The following SMYD4 variants were observed in gnomAD, a reference collection of about 807,000 sequenced individuals.
The protein encoded by SMYD4 is SET and MYND domain containing 4, also known as protein-lysine N-methyltransferase SMYD4.
Under a neutral mutation model 72.8 loss-of-function variants are expected in SMYD4, and 68 were observed. The observed-to-expected ratio is 0.93, with a 90% CI of 0.77 to 1.14. The LOEUF (loss-of-function observed/expected upper bound fraction) is 1.14. Among genes scored for constraint, SMYD4 ranks in the 50% most tolerant of loss-of-function variants. The probability of loss-of-function intolerance (pLI) is 0.00; values close to 1 mark genes in which losing one functional copy is unlikely to be tolerated. For synonymous variants in SMYD4, 407 were observed against 388.6 expected, an observed-to-expected ratio of 1.05 and a Z score of -0.56; for missense variants, 984 against 1,003.7, an observed-to-expected ratio of 0.98 and a Z score of 0.27.
chr17:1,810,421 C>T (rs1001857925), intron 3 of SMYD4, among the ~76,000 whole-genome samples: 9 of 152,120 alleles, frequency 5.9e-5, no homozygotes, highest in Non-Finnish European at 1.0e-4. Context: ...CCTGTAATCC[C>T]AGCTACTCAG....
At chr17:1,783,785 G>A (rs573713427) in intron 8 of SMYD4, 1 of 425,074 alleles carries the variant, frequency 2.4e-6, no homozygotes, top group African/African-American at 2.0e-5. Flanking sequence ...TGAAATCTAA[G>A]CTAAAGGTCA....
intron 2 of SMYD4, among the ~76,000 whole-genome samples, chr17:1,826,167 G>A (rs1911156356): frequency 6.6e-6 from 1 of 152,018 alleles, no homozygotes; most frequent in East Asian, 1.9e-4. Flanking sequence ...ATGGGCAAGG[G>A]ACACAAATAG....
At chr17:1,799,232 C>G (rs936933687) in intron 5 of SMYD4, among the ~76,000 whole-genome samples, 2 of 150,402 alleles carry the variant, frequency 1.3e-5, no homozygotes, top group East Asian at 3.9e-4. Flanking sequence ...GCACCCCAGC[C>G]TGGGGGTGAC....
chr17:1,807,445 C>G (rs1441754981), intron 3 of SMYD4, among the ~76,000 whole-genome samples: 1 of 151,990 alleles, frequency 6.6e-6, no homozygotes, highest in East Asian at 1.9e-4. Context: ...CACCGGCAAC[C>G]CCGCACCAGG....
intron 3 of SMYD4, among the ~76,000 whole-genome samples, chr17:1,806,014 C>G (rs1910013620): frequency 6.6e-6 from 1 of 150,450 alleles, no homozygotes; most frequent in Non-Finnish European, 1.5e-5. Flanking sequence ...ACCTCCAACT[C>G]CCGGGTTCGC....
chr17:1,813,424 C>CT (rs140583801), intron 2 of SMYD4, among the ~76,000 whole-genome samples: 280 of 148,958 alleles, frequency 1.9e-3, no homozygotes, highest in Middle Eastern at 7.1e-3. Flanking sequence ...ATTCTTTGTA[C>CT]TTTTTTTTTT....
rs1401194765 is a variant in SMYD4 at position 1,781,214 on chromosome 17, C to T, written c.*72G>A. On this transcript the variant is annotated 3_prime_UTR_variant, in exon 11 of 11. Coordinates refer to ENST00000305513, the MANE Select transcript of SMYD4 (RefSeq NM_052928.3). ...GGGATTACAGGCGTGAGCCACCATA[C>T]CTGGCCAGCAAAACCTCTTTAACTT... is the stretch of plus-strand genomic sequence containing the variant. The T allele has an allele frequency of 6.4e-7, 1 of 1,556,688 alleles. No individual in the cohort carries two copies. The highest frequency in any genetic ancestry group is 8.7e-7 in the Non-Finnish European group (1 of 1,154,344).
At position 1,784,424 on chromosome 17, in the gene SMYD4, G is replaced by C. The variant is rs375146565; in HGVS notation, c.1922C>G (p.Ala641Gly). 26 of 1,614,088 alleles carry C rather than the reference G, an allele frequency of 1.6e-5. No individual in the cohort carries two copies. The highest frequency in any genetic ancestry group is 2.1e-5 in the Non-Finnish European group (25 of 1,180,044). Residue 641 changes from alanine (A) to glycine (G), a missense_variant, in exon 8 of 11, where the codon GCA becomes GGA. Physicochemically the swap from Ala to Gly is moderately conservative, Grantham distance 60. Transcript: ENST00000305513. Reference sequence around the variant, plus strand: ...GTGGTCCCTGCTGACGGCGGATTCTGCACAAGATCTGCTGCCACAGCGCAG... The same window carrying C: ...GTGGTCCCTGCTGACGGCGGATTCTCCACAAGATCTGCTGCCACAGCGCAG... The part of the protein sequence containing the change: ...DVLRCGSRSC[A>G]ESAVSRDHLV...
rs778710971 is a variant in SMYD4 at position 1,800,900 on chromosome 17, G to T, written c.494C>A (p.Thr165Asn). 1 of 1,614,028 alleles carries T rather than the reference G, an allele frequency of 6.2e-7. No individual in the cohort carries two copies. Among genetic ancestry groups the T allele is most frequent in the African/African-American group, 1.3e-5 (1 of 74,914 alleles). Residue 165 changes from threonine (T) to asparagine (N), a missense_variant, in exon 5 of 11, where the codon ACC (threonine) becomes AAC (asparagine). Transcript: ENST00000305513. Reference protein sequence around the residue: ...ALGRLQEASQTISDLERNFTA... With the variant: ...ALGRLQEASQNISDLERNFTA... ...GAAGTTCCTTTCAAGATCACTGATG[G>T]TCTGGCTTGCCTCCTGCAGTCTCCC...
intron 2 of SMYD4, among the ~76,000 whole-genome samples, chr17:1,820,689 C>T (rs760046150): frequency 6.6e-5 from 10 of 152,174 alleles, no homozygotes; most frequent in Admixed American, 5.2e-4. Context: ...TTTCCTACAA[C>T]ACTCTGGGAG....
chr17:1,795,747 G>GTTTTGTTTT (rs1909371767), intron 5 of SMYD4, among the ~76,000 whole-genome samples: 1 of 128,466 alleles, frequency 7.8e-6, no homozygotes, highest in African/African-American at 3.2e-5. Context: ...TGGCCCGTGA[G>GTTTTGTTTT]TTTTTTTTTT....
rs186692520 is a variant in SMYD4 at position 1,781,318 on chromosome 17, A to T, written c.2383T>A (p.Leu795Ile). 1 of 1,613,700 alleles carries T rather than the reference A, an allele frequency of 6.2e-7. No individual in the cohort carries two copies. The highest frequency in any genetic ancestry group is 1.1e-5 in the South Asian group (1 of 91,060). Reference sequence around the variant, plus strand: ...GCAGGCCCTACAGGGGTGGGTGGTAAGTCCAACAAACAGGATTTCATCTTC... The same window carrying T: ...GCAGGCCCTACAGGGGTGGGTGGTATGTCCAACAAACAGGATTTCATCTTC... Reference protein sequence around the residue: ...LQKMKSCLLDLPPTPVGPAL With the variant: ...LQKMKSCLLDIPPTPVGPAL The change falls in exon 11 of 11, where the codon TTA becomes ATA. Residue 795 changes from leucine (L) to isoleucine (I), a missense_variant. Coordinates refer to ENST00000305513, the MANE Select transcript of SMYD4 (RefSeq NM_052928.3).
chr17:1,806,559 T>A (rs1910043177), intron 3 of SMYD4, among the ~76,000 whole-genome samples: 1 of 151,970 alleles, frequency 6.6e-6, no homozygotes, highest in Non-Finnish European at 1.5e-5. Context: ...TGAAAAAAAA[T>A]GCTCAGCCTC....
chr17:1,788,065 A>T (rs367613532), intron 5 of SMYD4, among the ~76,000 whole-genome samples: 1 of 152,172 alleles, frequency 6.6e-6, no homozygotes, highest in East Asian at 1.9e-4. Context: ...CAAACTTTAT[A>T]TATTTAAGCA....
chr17:1,815,043 T>C (rs1213706658), intron 2 of SMYD4, among the ~76,000 whole-genome samples: 1 of 151,974 alleles, frequency 6.6e-6, no homozygotes, highest in Non-Finnish European at 1.5e-5. Flanking sequence ...TGCCTAACAA[T>C]AGATTATGAA....
Position 1,800,272 on chromosome 17 carries a change from A to T in SMYD4, c.1122T>A (p.Ile374=), listed in dbSNP as rs9890631. 1 of 1,614,006 alleles carries T rather than the reference A, an allele frequency of 6.2e-7. No individual in the cohort carries two copies. The highest frequency in any genetic ancestry group is 2.2e-5 in the East Asian group (1 of 44,898). ...CAGGTAAACAGATGTCCTTGTTACT[A>T]ATCTTATCACAAAGCTTCGTTATGA... ...RKIITKLCDK[I]SNKDICLPES... The change falls in exon 5 of 11, where the codon ATT becomes ATA. Residue 374 remains isoleucine (I), a synonymous_variant. Coordinates refer to ENST00000305513, the MANE Select transcript of SMYD4 (RefSeq NM_052928.3).
chr17:1,802,520 A>G (rs1392326617), intron 4 of SMYD4, among the ~76,000 whole-genome samples: 1 of 152,148 alleles, frequency 6.6e-6, no homozygotes, highest in Admixed American at 6.6e-5. Context: ...AAAAAGGAAA[A>G]CAGAAACAAT....
At position 1,825,508 on chromosome 17, in the gene SMYD4, TTTC is replaced by T. The variant is rs1349687234; in HGVS notation, c.134+2350_134+2352del. Reference sequence around the variant, plus strand: ...TTATACAGCCATATCTGTCATTTTCTTTCTTTTTTTTTTTTTTTTTTGAGAAAT... The same window carrying T: ...TTATACAGCCATATCTGTCATTTTCTTTTTTTTTTTTTTTTTTTGAGAAAT... On this transcript the variant is annotated intron_variant, in intron 2 of 10. Transcript: ENST00000305513. Among the ~76,000 whole-genome samples, 8 of 83,628 alleles carry T rather than the reference TTTC, an allele frequency of 9.6e-5. 1 individual carries two copies. The highest frequency in any genetic ancestry group is 1.6e-4 in the Non-Finnish European group (6 of 38,536). 54.9% of individuals were successfully genotyped at this position (83,628 alleles called of 152,430 possible).
chr17:1,800,567 G>C lies in SMYD4; in HGVS notation c.827C>G (p.Pro276Arg). ...VSVLNPGELP[P>R]PHHGLDSKWD... Reference sequence around the variant, plus strand: ...TTTGCTGTCTAGGCCGTGATGCGGTGGTGGCAGTTCTCCTGGGTTGAGAAC... The same window carrying C: ...TTTGCTGTCTAGGCCGTGATGCGGTCGTGGCAGTTCTCCTGGGTTGAGAAC... Residue 276 changes from proline (P) to arginine (R), a missense_variant, in exon 5 of 11, where the codon CCA becomes CGA. By Grantham distance (103) the Pro-to-Arg change is moderately radical. Transcript: ENST00000305513. The C allele has an allele frequency of 6.2e-7, 1 of 1,614,208 alleles. No homozygotes were observed. The highest frequency in any genetic ancestry group is 1.1e-5 in the South Asian group (1 of 91,084).
Sources: allele counts gnomAD v4.1 joint callset (sites outside exome capture counted in the v4.1 genomes callset), GRCh38; gene constraint gnomAD v4.1.1; transcripts MANE v1.5; gene names NCBI Gene and HGNC (gene_info 2026-07-23, HGNC 2026-07-21).